PRKACB: variants seen among roughly 807,000 people sequenced by gnomAD.
The protein encoded by PRKACB is protein kinase cAMP-activated catalytic subunit beta.
PRKACB carries 16 observed loss-of-function variants against 51.4 expected under a neutral mutation model. The ratio of observed to expected loss-of-function variants is 0.31; its 90% CI spans 0.21 to 0.47. PRKACB has a LOEUF of 0.47. PRKACB is among the 20% of genes least tolerant of loss of function. PRKACB has a pLI of 1.00. For synonymous variants in PRKACB, 147 were observed against 154.4 expected (o/e 0.95, Z 0.35); for missense variants, 309 against 464.5 (o/e 0.67, Z 3.08).
At chr1:84,162,060 T>G (rs7515976) in intron 1 of PRKACB, among the ~76,000 whole-genome samples, 64,612 of 151,834 alleles carry the variant, frequency 0.43, 15,685 homozygotes, top group Non-Finnish European at 0.56. Context: ...GAGGATAATT[T>G]TCCTGGATAG....
At position 84,236,554 on chromosome 1, in the gene PRKACB, A is replaced by G. The variant is rs1212442805; in HGVS notation, c.*1249A>G. ...ATTTTGAGGTATGATATTTTCAGAT[A>G]TTTCATAATTTCTAACCTCTGTTCT... On this transcript the variant is annotated 3_prime_UTR_variant, in exon 10 of 10. Coordinates refer to ENST00000370685, the MANE Select transcript of PRKACB (RefSeq NM_182948.4). 3 of 152,602 alleles carry G rather than the reference A, an allele frequency of 2.0e-5. No individual in the cohort carries two copies. Among genetic ancestry groups the G allele is most frequent in the African/African-American group, 4.8e-5 (2 of 41,448 alleles). 9.5% of individuals were successfully genotyped at this position (152,602 alleles called of 1,614,324 possible).
chr1:84,172,765 A>C (rs559548463), intron 1 of PRKACB, among the ~76,000 whole-genome samples: 4 of 151,772 alleles, frequency 2.6e-5, no homozygotes, highest in African/African-American at 9.7e-5. Flanking sequence ...TGAAAAATTA[A>C]CAAGTAATAA....
chr1:84,094,225 T>C (rs1001881602), intron 1 of PRKACB, among the ~76,000 whole-genome samples: 8 of 151,980 alleles, frequency 5.3e-5, no homozygotes, highest in South Asian at 4.1e-4. Context: ...TTTTAAGATA[T>C]CCTGTTATCT....
rs528220261 is a variant in PRKACB at position 84,237,917 on chromosome 1, A to G, written c.*2612A>G. 6.6e-6 allele frequency: 1 copy of G among 152,250 alleles called. No individual in the cohort carries two copies. Among genetic ancestry groups the G allele is most frequent in the South Asian group, 2.1e-4 (1 of 4,824 alleles). The allele number at this position is 152,250 out of a possible 1,614,324, so 9.4% of individuals were successfully genotyped here. ...GAAGAACTGGATTAGGCAGTTTGTA[A>G]GATTCCTCCTAACTTTCACAGTCGA... On this transcript the variant is annotated 3_prime_UTR_variant, in exon 10 of 10. Transcript: ENST00000370685.
At chr1:84,179,086 T>C in intron 1 of PRKACB, 91 bp from the exon 2 acceptor site, 1 of 1,359,858 alleles carries the variant, frequency 7.4e-7, no homozygotes, top group Non-Finnish European at 1.0e-6. Flanking sequence ...TGTCTTTTTT[T>C]AAGTGAGAAA....
At chr1:84,180,830 T>A (rs572031059) in intron 2 of PRKACB, among the ~76,000 whole-genome samples, 2 of 152,052 alleles carry the variant, frequency 1.3e-5, no homozygotes, top group African/African-American at 4.8e-5. Context: ...ATAACATATT[T>A]TTATAATACA....
intron 5 of PRKACB, among the ~76,000 whole-genome samples, chr1:84,193,321 C>T (rs563093168): frequency 3.3e-5 from 5 of 152,080 alleles, no homozygotes; most frequent in Non-Finnish European, 7.4e-5. Context: ...GTTCCCAGGG[C>T]CAGTGATTCT....
chr1:84,164,211 T>C, intron 1 of PRKACB: 2 of 1,332,778 alleles, frequency 1.5e-6, no homozygotes, highest in Admixed American at 2.9e-5. Flanking sequence ...ATGGTTAACA[T>C]TTGTGCTGCA....
intron 8 of PRKACB, among the ~76,000 whole-genome samples, chr1:84,210,850 A>G (rs1434882184): frequency 2.0e-5 from 3 of 152,176 alleles, no homozygotes; most frequent in African/African-American, 4.8e-5. Flanking sequence ...ACTCTTTGAA[A>G]AGTTCAGTCA....
At chr1:84,153,722 A>C (rs1476948709) in intron 1 of PRKACB, among the ~76,000 whole-genome samples, 2 of 152,072 alleles carry the variant, frequency 1.3e-5, no homozygotes, top group African/African-American at 4.8e-5. Context: ...AGGTTCATTC[A>C]CTCTATCACA....
intron 1 of PRKACB, chr1:84,175,049 A>G: frequency 6.8e-7 from 1 of 1,466,036 alleles, no homozygotes; most frequent in South Asian, 1.5e-5. Flanking sequence ...CCTCTTCAGA[A>G]ATATCTGGTA....
intron 3 of PRKACB, 35 bp downstream of exon 3, chr1:84,182,363 A>T (rs766750091): frequency 5.4e-6 from 8 of 1,477,204 alleles, no homozygotes; most frequent in Non-Finnish European, 7.2e-6. Context: ...CTTCAGGGTA[A>T]ACTTTAGTTT....
At chr1:84,115,201 C>CTT (rs200269757) in intron 1 of PRKACB, among the ~76,000 whole-genome samples, 21 of 143,196 alleles carry the variant, frequency 1.5e-4, no homozygotes, top group African/African-American at 4.1e-4. Context: ...ATATCTGCTA[C>CTT]TTTTTTTTTT....
intron 9 of PRKACB, among the ~76,000 whole-genome samples, chr1:84,220,562 G>A (rs1459330394): frequency 2.0e-5 from 3 of 152,138 alleles, no homozygotes; most frequent in Admixed American, 6.5e-5. Flanking sequence ...CATTCAGTAT[G>A]TTAGCTGTGA....
At chr1:84,144,051 A>G (rs754034740), upstream of PRKACB, among the ~76,000 whole-genome samples, 1 of 152,140 alleles carries the variant, frequency 6.6e-6, no homozygotes, top group Non-Finnish European at 1.5e-5. Context: ...TTAGCCTACT[A>G]TATATATAAA....
At chr1:84,139,484 A>C (rs1025290436), upstream of PRKACB, among the ~76,000 whole-genome samples, 3 of 152,194 alleles carry the variant, frequency 2.0e-5, no homozygotes. Flanking sequence ...AATAGCTCCA[A>C]TTTTTAAAAT....
At chr1:84,112,417 A>G (rs954129181) in intron 1 of PRKACB, among the ~76,000 whole-genome samples, 10 of 151,740 alleles carry the variant, frequency 6.6e-5, no homozygotes, top group African/African-American at 2.4e-4. Flanking sequence ...ATTTCTTTTC[A>G]GTAGAGATGG....
chr1:84,188,130 AC>A (rs1304949561), intron 5 of PRKACB, among the ~76,000 whole-genome samples: 1 of 152,118 alleles, frequency 6.6e-6, no homozygotes, highest in Non-Finnish European at 1.5e-5. Context: ...ACAAAAATAT[AC>A]TTTACCAAAT....
intron 5 of PRKACB, among the ~76,000 whole-genome samples, chr1:84,186,908 C>T (rs1665294508): frequency 6.6e-6 from 1 of 152,160 alleles, no homozygotes; most frequent in Non-Finnish European, 1.5e-5. Flanking sequence ...TAGCAGTCAT[C>T]TTTAAGTGTT....
Sources: gnomAD v4.1 joint callset for allele counts (sites outside exome capture counted in the v4.1 genomes callset) on GRCh38, gnomAD v4.1.1 for gene constraint, MANE v1.5 for transcripts, NCBI Gene and HGNC (gene_info 2026-07-23, HGNC 2026-07-21) for gene names.